The following KCNAB2 variants were observed in gnomAD, a reference collection of about 807,000 sequenced individuals.
The protein encoded by KCNAB2 is potassium voltage-gated channel subfamily A regulatory beta subunit 2.
Under a neutral mutation model 63.6 loss-of-function variants are expected in KCNAB2, and 29 were observed. The observed-to-expected ratio is 0.46, with a 90% CI of 0.34 to 0.62. The LOEUF is 0.62. Among genes scored for constraint, KCNAB2 ranks in the 20% least tolerant of loss-of-function variants. The probability of loss-of-function intolerance (pLI) is 0.01; values close to 1 mark genes in which losing one functional copy is unlikely to be tolerated. For missense variants in KCNAB2, 359 were observed against 563.9 expected (o/e 0.64, Z 3.68); for synonymous variants, 222 against 224.2 (o/e 0.99, Z 0.09).
At chr1:5,995,104 A>G (rs1408986052) in intron 1 of KCNAB2, among the ~76,000 whole-genome samples, 2 of 152,208 alleles carry the variant, frequency 1.3e-5, no homozygotes, top group Non-Finnish European at 2.9e-5. Flanking sequence ...CAGAGGTCCC[A>G]GAGTGAATGT....
At chr1:5,996,517 A>G (rs1189649178) in intron 1 of KCNAB2, among the ~76,000 whole-genome samples, 1 of 151,960 alleles carries the variant, frequency 6.6e-6, no homozygotes, top group East Asian at 1.9e-4. Context: ...AGCCCCAGAG[A>G]CCCAGGTTCT....
At chr1:6,054,339 A>C (rs1474011175) in intron 2 of KCNAB2, among the ~76,000 whole-genome samples, 1 of 152,148 alleles carries the variant, frequency 6.6e-6, no homozygotes, top group Non-Finnish European at 1.5e-5. Flanking sequence ...AGAATGAAGC[A>C]ACAAAAGCAG....
Position 6,086,106 on chromosome 1 carries a change from T to C in KCNAB2, c.425+858T>C. 1 of 985,342 alleles carries C rather than the reference T, an allele frequency of 1.0e-6. No individual in the cohort carries two copies. The highest frequency in any genetic ancestry group is 1.2e-6 in the Non-Finnish European group (1 of 829,902). 61.0% of individuals were successfully genotyped at this position (985,342 alleles called of 1,614,324 possible). On this transcript the variant is annotated intron_variant, in intron 6 of 15. Transcript: ENST00000378083. This position sits in a 1 kb window ranked among gnomAD's most constrained non-coding sequence, Gnocchi z 4.2. ...CCCTGGACACAGCTTTATCTCAAGG[T>C]GCTGACAAGCCCCGGGGCCCTGTTC...
intron 10 of KCNAB2, among the ~76,000 whole-genome samples, chr1:6,091,885 G>C (rs1349403644): frequency 6.6e-6 from 1 of 152,192 alleles, no homozygotes; most frequent in Non-Finnish European, 1.5e-5. Context: ...CTCCATCAAC[G>C]TGGAATCATT....
intron 4 of KCNAB2, among the ~76,000 whole-genome samples, chr1:6,077,798 C>G (rs1663803603): frequency 6.6e-6 from 1 of 152,256 alleles, no homozygotes; most frequent in Admixed American, 6.5e-5. Flanking sequence ...TGCTTCCAGC[C>G]TCTTCCCAGT....
At chr1:6,079,005 G>A (rs569273902) in intron 4 of KCNAB2, among the ~76,000 whole-genome samples, 11 of 152,318 alleles carry the variant, frequency 7.2e-5, no homozygotes, top group South Asian at 2.1e-4. Flanking sequence ...GTGGGGAGAC[G>A]GGTCAGATTC....
At position 6,096,392 on chromosome 1, in the gene KCNAB2, C is replaced by T. The variant is rs1301714961; in HGVS notation, c.949-244C>T. The stretch of plus-strand genomic sequence containing the variant: ...GTCCTGACTTGGGGTTGGGCCAGCA[C>T]CACAGTCTTTGCACTTCAGAGCCTG... On this transcript the variant is annotated intron_variant, in intron 13 of 15. Coordinates refer to ENST00000378083, the MANE Select transcript of KCNAB2 (RefSeq NM_001199862.2). The surrounding 1 kb of genome is among the most constrained non-coding windows in gnomAD (Gnocchi z 5.9). The T allele has an allele frequency of 6.9e-6, 4 of 578,384 alleles. No homozygotes were observed. Among genetic ancestry groups the T allele is most frequent in the Non-Finnish European group, 1.2e-5 (4 of 324,594 alleles). The allele number at this position is 578,384 out of a possible 1,614,324, so 35.8% of individuals were successfully genotyped here. A position where few individuals can be genotyped will look rare whatever the true frequency, so the allele number is the denominator to read the frequency against.
chr1:6,096,792 G>A lies in KCNAB2; in HGVS notation c.1069+36G>A. ...GGTCGCCATGGGGCCAGTGCCCCTG[G>A]GGAGAACCTGCCCCAGCTGGCCGTA... On this transcript the variant is annotated intron_variant, in intron 14 of 15. Transcript: ENST00000378083. The surrounding 1 kb of genome is among the most constrained non-coding windows in gnomAD (Gnocchi z 5.9). The A allele has an allele frequency of 1.3e-6, 2 of 1,526,392 alleles. No individual in the cohort carries two copies. Among genetic ancestry groups the A allele is most frequent in the Non-Finnish European group, 1.8e-6 (2 of 1,130,852 alleles). The allele number at this position is 1,526,392 out of a possible 1,614,324, so 94.6% of individuals were successfully genotyped here. A position where few individuals can be genotyped will look rare whatever the true frequency, so the allele number is the denominator to read the frequency against.
rs1004501329 is a variant in KCNAB2, at chr1:6,024,745, G to C, written c.-52-15772G>C. Among the ~76,000 whole-genome samples the C allele has an allele frequency of 6.6e-6, 1 of 152,186 alleles. No individual in the cohort carries two copies. Among genetic ancestry groups the C allele is most frequent in the Non-Finnish European group, 1.5e-5 (1 of 68,038 alleles). On this transcript the variant is annotated intron_variant, in intron 1 of 16. Transcript: ENST00000341524. The surrounding 1 kb of genome is among the most constrained non-coding windows in gnomAD (Gnocchi z 5.4). ...GATAACGGCTGTTCTCTGGCTCTGGGAGGCAGCAGAGGTCACCTGTCCAGA... is the reference window on the plus strand; with the variant it reads ...GATAACGGCTGTTCTCTGGCTCTGGCAGGCAGCAGAGGTCACCTGTCCAGA...
upstream of KCNAB2, among the ~76,000 whole-genome samples, chr1:6,043,782 G>T (rs1271797108): frequency 6.6e-6 from 1 of 152,212 alleles, no homozygotes. Flanking sequence ...CAGCTCCCAG[G>T]CAAGGAATTG....
At chr1:6,082,102 C>T in intron 4 of KCNAB2, 93 bp from the exon 5 acceptor site, 1 of 1,063,316 alleles carries the variant, frequency 9.4e-7, no homozygotes, top group East Asian at 2.4e-5. Flanking sequence ...AGGGCCTGGA[C>T]ACGGGGAGGC....
chr1:6,095,258 C>G, intron 11 of KCNAB2, 65 bp from the exon 12 acceptor site: 1 of 1,530,244 alleles, frequency 6.5e-7, no homozygotes, highest in Non-Finnish European at 8.8e-7. Context: ...CTCTCCATGG[C>G]TGCCCCGGCA....
chr1:6,066,178 C>T (rs11800879), intron 2 of KCNAB2, among the ~76,000 whole-genome samples: 8,281 of 152,286 alleles, frequency 0.054, 719 homozygotes, highest in African/African-American at 0.19. Context: ...GCCGCTTCCG[C>T]GCCGTGGCCA....
chr1:6,080,373 G>A (rs1002983508), intron 4 of KCNAB2, among the ~76,000 whole-genome samples: 6 of 152,190 alleles, frequency 3.9e-5, no homozygotes, highest in African/African-American at 9.7e-5. Context: ...GGGCACATCC[G>A]GGAGGAGGAG....
chr1:5,995,088 C>T (rs920409084), intron 1 of KCNAB2, among the ~76,000 whole-genome samples: 3 of 152,186 alleles, frequency 2.0e-5, no homozygotes, highest in Non-Finnish European at 4.4e-5. Flanking sequence ...GTGATATTCA[C>T]GCCGCCAGAG....
intron 7 of KCNAB2, among the ~76,000 whole-genome samples, chr1:6,088,439 G>A (rs1004557237): frequency 2.6e-5 from 4 of 151,390 alleles, no homozygotes; most frequent in Non-Finnish European, 4.4e-5. Flanking sequence ...GTAGAGATGG[G>A]GTTTCATCAT....
intron 2 of KCNAB2, among the ~76,000 whole-genome samples, chr1:6,056,716 C>T (rs998141376): frequency 1.3e-5 from 2 of 152,206 alleles, no homozygotes; most frequent in Admixed American, 1.3e-4. Flanking sequence ...CTCTGGACGC[C>T]GCCCCTTCCT....
At chr1:5,999,000 C>G (rs78749754) in intron 1 of KCNAB2, among the ~76,000 whole-genome samples, 166 of 152,326 alleles carry the variant, frequency 1.1e-3, no homozygotes, top group Non-Finnish European at 1.4e-3. Flanking sequence ...CCGGGGCTGG[C>G]GGGCGTAGAC....
rs1049240176 is a variant in KCNAB2 at position 6,045,952 on chromosome 1, G to A, written c.-258G>A. 9.1e-6 allele frequency: 9 copies of A among 985,284 alleles called. No individual in the cohort carries two copies. Among genetic ancestry groups the A allele is most frequent in the Non-Finnish European group, 8.4e-6 (7 of 829,940 alleles). The allele number at this position is 985,284 out of a possible 1,614,324, so 61.0% of individuals were successfully genotyped here. On this transcript the variant is annotated 5_prime_UTR_variant, in exon 1 of 16. The change creates a new upstream start codon in the 5' untranslated region. Coordinates refer to ENST00000378083, the MANE Select transcript of KCNAB2 (RefSeq NM_001199862.2). This position sits in a 1 kb window ranked among gnomAD's most constrained non-coding sequence, Gnocchi z 4.8. ...CGAGCTTTTAGGGGAAGAGGCACTC[G>A]TGAATAATTCAGCCTCTTTCACTGA...
Sources: allele counts gnomAD v4.1 joint callset (sites outside exome capture counted in the v4.1 genomes callset), GRCh38; gene constraint gnomAD v4.1.1; non-coding constraint Gnocchi (gnomAD v3.1); transcripts MANE v1.5; gene names NCBI Gene and HGNC (gene_info 2026-07-23, HGNC 2026-07-21).